The following HELZ variants were observed in gnomAD, a reference collection of about 807,000 sequenced individuals.
HELZ encodes ATP-dependent RNA helicase with zinc finger domain.
HELZ carries 23 observed loss-of-function variants against 218.2 expected under a neutral mutation model. That is an observed-to-expected ratio of 0.11 (90% CI 0.08 to 0.15). HELZ has a LOEUF of 0.15. HELZ is among the 10% of genes least tolerant of loss of function. The pLI, the probability that HELZ is intolerant of heterozygous loss-of-function variation, is 1.00. For missense variants in HELZ, 1,813 were observed against 2,353.7 expected (o/e 0.77, Z 4.75); for synonymous variants, 814 against 829.4 (o/e 0.98, Z 0.32).
chr17:67,111,063 A>C (rs940647028), intron 28 of HELZ, among the ~76,000 whole-genome samples: 1 of 152,216 alleles, frequency 6.6e-6, no homozygotes, highest in Non-Finnish European at 1.5e-5. Context: ...GAAGAAAGGA[A>C]AAGTATGGCA....
chr17:67,212,329 A>AAAAAAAAAAAAAAAAAAAAAAAC lies in HELZ; in HGVS notation c.247+3569_247+3570insGTTTTTTTTTTTTTTTTTTTTTT, dbSNP rs2040478263. Reference sequence around the variant, plus strand: ...GACACCATCTCAAAAAAAAAAAAAAAAAAAAAGGCTACACTGTATATAAAA... The same window carrying AAAAAAAAAAAAAAAAAAAAAAAC: ...GACACCATCTCAAAAAAAAAAAAAAAAAAAAAAAAAAAAAAAAAAAAACAAAAAAGGCTACACTGTATATAAAA... On this transcript the variant is annotated intron_variant, in intron 5 of 32. Transcript: ENST00000358691. Among the ~76,000 whole-genome samples, 2 of 147,706 alleles carry AAAAAAAAAAAAAAAAAAAAAAAC rather than the reference A, an allele frequency of 1.4e-5. 1 individual carries two copies. Among genetic ancestry groups the AAAAAAAAAAAAAAAAAAAAAAAC allele is most frequent in the Non-Finnish European group, 3.0e-5 (2 of 66,820 alleles).
intron 32 of HELZ, among the ~76,000 whole-genome samples, chr17:67,078,907 CAT>C (rs1355495829): frequency 2.0e-5 from 3 of 152,204 alleles, no homozygotes; most frequent in Non-Finnish European, 2.9e-5. Context: ...AGTAACTGCT[CAT>C]AGTTTGTAAA....
intron 32 of HELZ, among the ~76,000 whole-genome samples, chr17:67,079,792 G>A (rs1014114993): frequency 6.6e-6 from 1 of 152,162 alleles, no homozygotes; most frequent in Admixed American, 6.6e-5. Flanking sequence ...TTCCTTGATA[G>A]CTGGTGTGTA....
intron 5 of HELZ, among the ~76,000 whole-genome samples, chr17:67,214,217 C>A (rs1339641364): frequency 7.0e-6 from 1 of 142,494 alleles, no homozygotes; most frequent in African/African-American, 2.6e-5. Context: ...GTGAGGTGAA[C>A]AAAGGTCACA....
At chr17:67,203,621 G>GA (rs2040225069) in intron 5 of HELZ, among the ~76,000 whole-genome samples, 178 bp from the exon 6 acceptor site, 2 of 152,116 alleles carry the variant, frequency 1.3e-5, no homozygotes, top group Non-Finnish European at 2.9e-5. Flanking sequence ...ATAAGAACAA[G>GA]AAAAAACATG....
At chr17:67,182,735 T>C (rs897505662) in intron 12 of HELZ, among the ~76,000 whole-genome samples, 4 of 152,162 alleles carry the variant, frequency 2.6e-5, no homozygotes, top group African/African-American at 7.2e-5. Context: ...GAATTCAAGG[T>C]TGAAATAACT....
chr17:67,075,456 T>C lies in HELZ; in HGVS notation c.*2796A>G, dbSNP rs746003586. The C allele has an allele frequency of 6.6e-6, 1 of 152,156 alleles. No individual in the cohort carries two copies. Among genetic ancestry groups the C allele is most frequent in the Non-Finnish European group, 1.5e-5 (1 of 68,010 alleles). The allele number at this position is 152,156 out of a possible 1,614,324, so 9.4% of individuals were successfully genotyped here. ...TATATACATATACTATACATATATA[T>C]GCATATATAAGGGTTGAACCTAGCA... is the stretch of plus-strand genomic sequence containing the variant. On this transcript the variant is annotated 3_prime_UTR_variant, in exon 33 of 33. Transcript: ENST00000358691.
At chr17:67,165,058 G>A (rs1338747738) in intron 15 of HELZ, among the ~76,000 whole-genome samples, 5 of 152,190 alleles carry the variant, frequency 3.3e-5, no homozygotes, top group East Asian at 1.9e-4. Context: ...AGCTGAATCC[G>A]AAGAGAACTG....
intron 12 of HELZ, among the ~76,000 whole-genome samples, chr17:67,184,820 C>CAAATAAAT (rs3048665): frequency 0.12 from 17,817 of 149,786 alleles, 1,300 homozygotes; most frequent in South Asian, 0.15. Flanking sequence ...TGTCTCTAAA[C>CAAATAAAT]AAATAAATAA....
chr17:67,132,186 A>G (rs1456308028), intron 23 of HELZ, among the ~76,000 whole-genome samples: 2 of 151,874 alleles, frequency 1.3e-5, no homozygotes, highest in Non-Finnish European at 2.9e-5. Flanking sequence ...CACTGATAAA[A>G]CACTAAAAAA....
At chr17:67,199,112 T>TAA (rs964743954) in intron 7 of HELZ, among the ~76,000 whole-genome samples, 7 of 151,828 alleles carry the variant, frequency 4.6e-5, no homozygotes, top group Admixed American at 2.0e-4. Context: ...TTTAAAAGTC[T>TAA]AAAACATCTA....
chr17:67,194,087 G>T, intron 8 of HELZ, 45 bp from the exon 9 acceptor site: 1 of 1,333,878 alleles, frequency 7.5e-7, no homozygotes, highest in African/African-American at 1.4e-5. Context: ...AGGCTAGCCA[G>T]TAATTCTGAT....
At chr17:67,219,835 A>C (rs1202626501) in intron 3 of HELZ, among the ~76,000 whole-genome samples, 1 of 152,200 alleles carries the variant, frequency 6.6e-6, no homozygotes, top group Non-Finnish European at 1.5e-5. Flanking sequence ...TTAGTAAGAG[A>C]TCACTAAAAT....
Position 67,086,889 on chromosome 17 carries a change from G to A in HELZ, c.5434C>T (p.Pro1812Ser), listed in dbSNP as rs772380595. 3.1e-6 allele frequency: 5 copies of A among 1,613,636 alleles called. No homozygotes were observed. The highest frequency in any genetic ancestry group is 1.7e-5 in the Admixed American group (1 of 59,958). The change falls in exon 32 of 33, where the codon CCT becomes TCT. Residue 1812 changes from proline to serine, a missense_variant. Around this residue, in one of 4 missense-constraint regions of HELZ, gnomAD observed 938 missense variants for 1,027.5 expected, o/e 0.91. Coordinates refer to ENST00000358691, the MANE Select transcript of HELZ (RefSeq NM_014877.4). The part of the protein sequence containing the change: ...ESWVNTTSST[P>S]YQNIPCNGSS... The stretch of plus-strand genomic sequence containing the variant: ...CCATTGCACGGAATGTTCTGATAAG[G>A]AGTAGATGAGGTGGTGTTTACCCAG...
chr17:67,217,865 T>C (rs2040641300), intron 4 of HELZ, among the ~76,000 whole-genome samples: 2 of 152,140 alleles, frequency 1.3e-5, no homozygotes, highest in African/African-American at 2.4e-5. Context: ...TTCTCCTTTT[T>C]TCATGCGGTT....
intron 31 of HELZ, among the ~76,000 whole-genome samples, chr17:67,093,847 C>A (rs11079681): frequency 6.6e-6 from 1 of 151,982 alleles, no homozygotes; most frequent in Non-Finnish European, 1.5e-5. Flanking sequence ...CATACAATTT[C>A]TAAAGTAATT....
intron 28 of HELZ, among the ~76,000 whole-genome samples, chr17:67,113,419 C>T (rs922733319): frequency 4.6e-5 from 7 of 152,022 alleles, no homozygotes; most frequent in African/African-American, 1.7e-4. Flanking sequence ...GCCACCACGC[C>T]CGGCTAATTT....
At position 67,074,034 on chromosome 17, in the gene HELZ, A is replaced by T. The variant is rs144887939; in HGVS notation, c.*4218T>A. On this transcript the variant is annotated 3_prime_UTR_variant, in exon 33 of 33. Coordinates refer to ENST00000358691, the MANE Select transcript of HELZ (RefSeq NM_014877.4). ...AACAAGAAATCGTAGATAGAACATT[A>T]CCTATTCTTTCTAATTTCTAGGCGG... is the stretch of plus-strand genomic sequence containing the variant. The T allele has an allele frequency of 2.0e-5, 3 of 152,320 alleles. No homozygotes were observed. Among genetic ancestry groups the T allele is most frequent in the Non-Finnish European group, 4.4e-5 (3 of 68,014 alleles). The allele number at this position is 152,320 out of a possible 1,614,324, so 9.4% of individuals were successfully genotyped here.
chr17:67,143,571 T>G (rs1282361078), intron 21 of HELZ, among the ~76,000 whole-genome samples: 1 of 151,556 alleles, frequency 6.6e-6, no homozygotes. Flanking sequence ...ATCACACTAC[T>G]GCACTCCAGC....
Sources: allele counts gnomAD v4.1 joint callset (sites outside exome capture counted in the v4.1 genomes callset), GRCh38; gene constraint gnomAD v4.1.1; regional missense constraint gnomAD v4.1.1; transcripts MANE v1.5; gene names NCBI Gene and HGNC (gene_info 2026-07-23, HGNC 2026-07-21).